CFAP210: variants seen among roughly 807,000 people sequenced by gnomAD.
CFAP210 encodes cilia- and flagella- associated protein 210.
the CFAP210 span, among the ~76,000 whole-genome samples, chr2:169,663,292 A>G: frequency 6.6e-6 from 1 of 150,980 alleles, no homozygotes; most frequent in South Asian, 2.1e-4. Flanking sequence ...TTTTTTCCTG[A>G]AAAGGTAGGC....
At chr2:169,669,255 A>G in the CFAP210 span, among the ~76,000 whole-genome samples, 7 of 152,304 alleles carry the variant, frequency 4.6e-5, no homozygotes, top group Admixed American at 3.9e-4. Flanking sequence ...GCCCTGGAAG[A>G]TCAGTATAAT....
the CFAP210 span, among the ~76,000 whole-genome samples, chr2:169,664,097 G>A: frequency 6.6e-6 from 1 of 151,940 alleles, no homozygotes; most frequent in Non-Finnish European, 1.5e-5. Context: ...TACTTGGGAG[G>A]CTGAGGCAGG....
the CFAP210 span, chr2:169,674,455 C>A: frequency 1.2e-6 from 1 of 808,366 alleles, no homozygotes; most frequent in Non-Finnish European, 1.9e-6. Flanking sequence ...TTTTAACCTC[C>A]TTTTTGTACT....
the CFAP210 span, chr2:169,649,465 C>G: frequency 1.2e-6 from 1 of 833,190 alleles, no homozygotes; most frequent in Non-Finnish European, 1.9e-6. Context: ...AATGCAGGAG[C>G]AGAAAAGTGC....
the CFAP210 span, chr2:169,662,512 C>T: frequency 7.8e-7 from 1 of 1,278,002 alleles, no homozygotes; most frequent in Non-Finnish European, 1.1e-6. Context: ...AATTCAATTC[C>T]AACCTGGAAT....
the CFAP210 span, among the ~76,000 whole-genome samples, chr2:169,687,745 G>A: frequency 1.3e-3 from 202 of 152,290 alleles, 1 homozygote; most frequent in African/African-American, 4.7e-3. Flanking sequence ...TCTGAAGGAC[G>A]GTGGCCCTCT....
the CFAP210 span, among the ~76,000 whole-genome samples, chr2:169,668,661 G>A: frequency 7.9e-5 from 12 of 152,272 alleles, no homozygotes; most frequent in East Asian, 2.1e-3. Flanking sequence ...GGAAGAAGGA[G>A]GCCCAAGGAA....
chr2:169,660,895 G>A, the CFAP210 span: 17 of 380,370 alleles, frequency 4.5e-5, no homozygotes, highest in South Asian at 3.7e-4. Flanking sequence ...GAGCCACTAC[G>A]CCTGGCCTGA....
the CFAP210 span, among the ~76,000 whole-genome samples, chr2:169,676,564 T>C: frequency 2.6e-5 from 4 of 152,102 alleles, no homozygotes; most frequent in East Asian, 7.7e-4. Flanking sequence ...CCCCTACCTG[T>C]AGGCCCTGGC....
chr2:169,650,761 T>TG, the CFAP210 span, among the ~76,000 whole-genome samples: 1 of 151,396 alleles, frequency 6.6e-6, no homozygotes, highest in Non-Finnish European at 1.5e-5. Context: ...TGTGTGTGTG[T>TG]GTGTGTGTGT....
At chr2:169,662,304 C>A in the CFAP210 span, 3 of 1,600,250 alleles carry the variant, frequency 1.9e-6, no homozygotes, top group Non-Finnish European at 2.5e-6. Flanking sequence ...TGCTTTCATG[C>A]ATCTCTTCTC....
the CFAP210 span, among the ~76,000 whole-genome samples, chr2:169,686,593 G>A: frequency 0.11 from 16,698 of 152,210 alleles, 1,199 homozygotes; most frequent in South Asian, 0.26. Flanking sequence ...CATATGGCAA[G>A]GGGGCTGAGG....
At chr2:169,654,310 C>G in the CFAP210 span, 1 of 1,057,266 alleles carries the variant, frequency 9.5e-7, no homozygotes, top group Non-Finnish European at 1.3e-6. Context: ...GTCACAGCTT[C>G]TGACCCAGTT....
At chr2:169,673,849 T>C in the CFAP210 span, among the ~76,000 whole-genome samples, 3 of 152,150 alleles carry the variant, frequency 2.0e-5, no homozygotes, top group Non-Finnish European at 4.4e-5. Context: ...TGAATTTTAC[T>C]GAATGCAAAT....
chr2:169,683,611 C>T, the CFAP210 span, among the ~76,000 whole-genome samples: 6 of 152,316 alleles, frequency 3.9e-5, no homozygotes, highest in South Asian at 1.0e-3. Flanking sequence ...CAGTATAGCA[C>T]ATGGCCTATT....
chr2:169,657,079 T>C, the CFAP210 span, among the ~76,000 whole-genome samples: 3 of 151,916 alleles, frequency 2.0e-5, no homozygotes, highest in Admixed American at 1.3e-4. Context: ...CCCTGCACTT[T>C]AAACCTGTAT....
the CFAP210 span, among the ~76,000 whole-genome samples, chr2:169,690,215 T>A: frequency 1.3e-5 from 2 of 152,212 alleles, no homozygotes; most frequent in Admixed American, 1.3e-4. Context: ...TCATAAAGGA[T>A]AATGATCTAT....
At chr2:169,654,245 T>A in the CFAP210 span, 433 of 1,520,390 alleles carry the variant, frequency 2.8e-4, 2 homozygotes, top group African/African-American at 5.3e-3. Flanking sequence ...TATTAACTTA[T>A]CACAAAGAAA....
chr2:169,654,102 C>T, the CFAP210 span: 1 of 1,609,676 alleles, frequency 6.2e-7, no homozygotes, highest in Non-Finnish European at 8.5e-7. Context: ...TTTTTCTTTC[C>T]CCATTTGTAT....
Sources: gnomAD v4.1 joint callset for allele counts (sites outside exome capture counted in the v4.1 genomes callset) on GRCh38, gnomAD v4.1.1 for gene constraint, MANE v1.5 for transcripts, NCBI Gene and HGNC (gene_info 2026-07-23, HGNC 2026-07-21) for gene names.